The following PRIM2 variants were observed in gnomAD, a reference collection of about 807,000 sequenced individuals.
PRIM2 encodes DNA primase subunit 2, also known as DNA primase large subunit.
In PRIM2, 39 loss-of-function variants were observed where a neutral mutation model predicts 67.3. The ratio of observed to expected loss-of-function variants is 0.58; its 90% CI spans 0.45 to 0.76. The LOEUF is 0.76. PRIM2 is among the 30% of genes least tolerant of loss of function. The pLI, the probability that PRIM2 is intolerant of heterozygous loss-of-function variation, is 0.00. For synonymous variants in PRIM2, 143 were observed against 198.7 expected, an observed-to-expected ratio of 0.72 and a Z score of 2.36; for missense variants, 398 against 598.7, an observed-to-expected ratio of 0.66 and a Z score of 3.50.
chr6:57,489,742 A>C lies in PRIM2; in HGVS notation c.694-17645A>C, dbSNP rs1177737710. On this transcript the variant is annotated intron_variant, in intron 7 of 13. Transcript: ENST00000615550. ...ATAGGCTGTTGGCTCCTTCTCCCAA[A>C]ACTAACCATGGAGAAACTACAGAAG... 3.9e-5 allele frequency among the ~76,000 whole-genome samples: 6 copies of C among 152,376 alleles called. No homozygotes were observed. The South Asian group carries it at 1.0e-3, about 26-fold the overall frequency.
At chr6:57,292,054 T>C in the PRIM2 span, among the ~76,000 whole-genome samples, 1 of 152,150 alleles carries the variant, frequency 6.6e-6, no homozygotes, top group Admixed American at 6.6e-5. Flanking sequence ...GGAAGTCAAA[T>C]TGTCCCTGTT....
intron 5 of PRIM2, among the ~76,000 whole-genome samples, chr6:57,371,984 A>G (rs57629910): frequency 4.6e-5 from 7 of 152,272 alleles, no homozygotes; most frequent in African/African-American, 1.7e-4. Flanking sequence ...CATAGCAAAT[A>G]CGAAAGCAAA....
chr6:57,451,756 A>G (rs1772558751), intron 7 of PRIM2, among the ~76,000 whole-genome samples: 1 of 147,454 alleles, frequency 6.8e-6, no homozygotes, highest in Non-Finnish European at 1.5e-5. Flanking sequence ...TTCTAACTAC[A>G]TACTGGCTTG....
chr6:57,315,886 T>G (rs1307119475), upstream of PRIM2, among the ~76,000 whole-genome samples: 2 of 152,238 alleles, frequency 1.3e-5, no homozygotes, highest in African/African-American at 4.8e-5. Flanking sequence ...AATATTCTTA[T>G]GGTCTGTGAT....
chr6:57,238,251 A>T, the PRIM2 span, among the ~76,000 whole-genome samples: 9 of 148,910 alleles, frequency 6.0e-5, no homozygotes, highest in Admixed American at 2.0e-4. Context: ...CCAAATCAAC[A>T]GAATATACAT....
At chr6:57,228,613 G>T in the PRIM2 span, among the ~76,000 whole-genome samples, 1 of 152,176 alleles carries the variant, frequency 6.6e-6, no homozygotes. Flanking sequence ...GTGGGGTATG[G>T]GAGGGCCCCA....
the PRIM2 span, among the ~76,000 whole-genome samples, chr6:57,305,176 T>C: frequency 9.3e-6 from 1 of 107,920 alleles, no homozygotes; most frequent in Non-Finnish European, 1.9e-5. Flanking sequence ...AACAGGATCA[T>C]ATTTACAACC....
At chr6:57,431,107 G>T (rs1297056699) in intron 7 of PRIM2, among the ~76,000 whole-genome samples, 5 of 152,046 alleles carry the variant, frequency 3.3e-5, no homozygotes, top group African/African-American at 9.7e-5. Flanking sequence ...CACAATCTTC[G>T]TCGTGTCCCT....
At chr6:57,415,215 A>G (rs1405389396) in intron 7 of PRIM2, among the ~76,000 whole-genome samples, 1 of 152,192 alleles carries the variant, frequency 6.6e-6, no homozygotes, top group Non-Finnish European at 1.5e-5. Flanking sequence ...TAATCTTTAA[A>G]ACAAAGATAG....
At chr6:57,417,358 A>G (rs1771301184) in intron 7 of PRIM2, among the ~76,000 whole-genome samples, 3 of 152,134 alleles carry the variant, frequency 2.0e-5, no homozygotes, top group African/African-American at 7.2e-5. Flanking sequence ...TGCTCACTGT[A>G]TGGCACATGA....
chr6:57,461,211 G>T (rs1772992746), intron 7 of PRIM2, among the ~76,000 whole-genome samples: 1 of 152,182 alleles, frequency 6.6e-6, no homozygotes, highest in African/African-American at 2.4e-5. Context: ...TGAACCCTTG[G>T]TAAGTAAGTG....
intron 7 of PRIM2, among the ~76,000 whole-genome samples, chr6:57,455,820 C>G (rs1452642042): frequency 5.3e-5 from 8 of 152,152 alleles, no homozygotes; most frequent in African/African-American, 1.7e-4. Context: ...TGAATTTGAT[C>G]CTGCCATTAT....
chr6:57,337,460 G>A (rs1368564941), intron 5 of PRIM2, among the ~76,000 whole-genome samples: 4 of 151,408 alleles, frequency 2.6e-5, no homozygotes, highest in Non-Finnish European at 5.9e-5. Flanking sequence ...ATACTTGGAA[G>A]TAAAGCTCTC....
chr6:57,324,381 A>G (rs1269755941), intron 4 of PRIM2, 101 bp downstream of exon 4: 1 of 634,072 alleles, frequency 1.6e-6, no homozygotes, highest in Non-Finnish European at 2.8e-6. Context: ...GAAAACCCAG[A>G]ATAACATCAG....
intron 7 of PRIM2, among the ~76,000 whole-genome samples, chr6:57,385,929 T>C (rs1405581498): frequency 1.4e-5 from 2 of 147,132 alleles, no homozygotes; most frequent in Non-Finnish European, 3.0e-5. Flanking sequence ...CATTTGGCTT[T>C]TGTTTTCTTT....
chr6:57,497,508 T>C (rs1774030571), intron 7 of PRIM2: 1 of 152,184 alleles, frequency 6.6e-6, no homozygotes, highest in African/African-American at 2.4e-5. Flanking sequence ...TATTCCCAGG[T>C]TTGCTTCCTT....
chr6:57,539,644 GTGTGTGTGTGTGTATA>G lies in PRIM2; in HGVS notation c.1020+2021_1020+2036del, dbSNP rs1305042944. 2.6e-3 allele frequency among the ~76,000 whole-genome samples: 190 copies of G among 72,470 alleles called. 1 individual carries two copies. Among genetic ancestry groups the G allele is most frequent in the African/African-American group, 0.011 (164 of 15,402 alleles). 47.5% of individuals were successfully genotyped at this position (72,470 alleles called of 152,430 possible). ...TGTGTGTGTGTGTGTGTGTGTGTGT[GTGTGTGTGTGTGTATA>G]TATATATATATATGCATTCACCAGG... On this transcript the variant is annotated intron_variant, in intron 10 of 13. Transcript: ENST00000615550.
At chr6:57,358,040 T>C (rs1159678981) in intron 5 of PRIM2, among the ~76,000 whole-genome samples, 1 of 152,222 alleles carries the variant, frequency 6.6e-6, no homozygotes, top group Admixed American at 6.5e-5. Context: ...TGTATGTTGG[T>C]TGAACAAAGG....
At chr6:57,452,821 T>A (rs1772603750) in intron 7 of PRIM2, among the ~76,000 whole-genome samples, 1 of 152,244 alleles carries the variant, frequency 6.6e-6, no homozygotes, top group Non-Finnish European at 1.5e-5. Context: ...TGGCTTCTGT[T>A]GCCATTGCTT....
Sources: gnomAD v4.1 joint callset for allele counts (sites outside exome capture counted in the v4.1 genomes callset) on GRCh38, gnomAD v4.1.1 for gene constraint, MANE v1.5 for transcripts, NCBI Gene and HGNC (gene_info 2026-07-23, HGNC 2026-07-21) for gene names.